Variants in COL5A2 observed in about 807,000 individuals in gnomAD.
COL5A2 encodes collagen type V alpha 2 chain, also known as collagen alpha-2(V) chain.
COL5A2 carries 23 observed loss-of-function variants against 208.2 expected under a neutral mutation model. The observed-to-expected ratio is 0.11, with a 90% confidence interval of 0.08 to 0.16. The LOEUF is 0.16. Among genes scored for constraint, COL5A2 ranks in the 10% least tolerant of loss-of-function variants. COL5A2 has a pLI of 1.00. For synonymous variants in COL5A2, 625 were observed against 628.5 expected (o/e 0.99, Z 0.08); for missense variants, 1,590 against 1,956.4 (o/e 0.81, Z 3.53).
intron 1 of COL5A2, among the ~76,000 whole-genome samples, chr2:189,207,483 T>G (rs1689156177): frequency 6.6e-6 from 1 of 152,218 alleles, no homozygotes; most frequent in African/African-American, 2.4e-5. Flanking sequence ...CATACAATTC[T>G]GTTATCAAGC....
intron 47 of COL5A2, 143 bp downstream of exon 47, chr2:189,045,036 G>A (rs1192154846): frequency 7.8e-6 from 4 of 515,216 alleles, no homozygotes; most frequent in Middle Eastern, 5.4e-4. Context: ...AAAAATAAGA[G>A]TAAACTTATA....
the COL5A2 span, among the ~76,000 whole-genome samples, chr2:189,428,151 G>A: frequency 1.1e-4 from 17 of 152,196 alleles, no homozygotes; most frequent in African/African-American, 3.1e-4. Context: ...TTTGGGAAGC[G>A]GCAGGGTGAA....
chr2:189,160,411 TC>T (rs899938075), intron 1 of COL5A2, among the ~76,000 whole-genome samples: 1 of 152,146 alleles, frequency 6.6e-6, no homozygotes, highest in Admixed American at 6.5e-5. Context: ...GCAATCTTTA[TC>T]CCCCCTTTTT....
At chr2:189,369,935 G>A in the COL5A2 span, among the ~76,000 whole-genome samples, 1 of 152,180 alleles carries the variant, frequency 6.6e-6, no homozygotes, top group Non-Finnish European at 1.5e-5. Context: ...TCAAGACACT[G>A]TATCAGCTTT....
the COL5A2 span, among the ~76,000 whole-genome samples, chr2:189,231,446 G>A: frequency 1.3e-5 from 2 of 151,624 alleles, no homozygotes; most frequent in South Asian, 4.1e-4. Flanking sequence ...AGGAAAATCT[G>A]GGACTCTCAT....
chr2:189,071,377 C>A (rs1357356104), intron 18 of COL5A2, among the ~76,000 whole-genome samples: 1 of 152,158 alleles, frequency 6.6e-6, no homozygotes, highest in Admixed American at 6.5e-5. Context: ...AATTAATTCA[C>A]CAGTTTATCT....
intron 45 of COL5A2, among the ~76,000 whole-genome samples, chr2:189,047,009 C>A (rs1559077482): frequency 6.6e-6 from 1 of 151,732 alleles, no homozygotes; most frequent in African/African-American, 2.4e-5. Context: ...GCAGTCCCAG[C>A]TACTGGGGAG....
chr2:189,215,110 C>A (rs1398308099), intron 1 of COL5A2, among the ~76,000 whole-genome samples: 1 of 152,092 alleles, frequency 6.6e-6, no homozygotes, highest in East Asian at 1.9e-4. Context: ...CTGATTCATT[C>A]TCTGTTGAGT....
intron 1 of COL5A2, among the ~76,000 whole-genome samples, chr2:189,207,355 TAACTC>T (rs1689155066): frequency 6.6e-6 from 1 of 152,186 alleles, no homozygotes; most frequent in Non-Finnish European, 1.5e-5. Context: ...ATGTCAAAAA[TAACTC>T]AAGAAAAAAA....
intron 34 of COL5A2, 119 bp from the exon 35 acceptor site, chr2:189,057,145 G>C: frequency 8.3e-7 from 1 of 1,203,570 alleles, no homozygotes; most frequent in Non-Finnish European, 1.2e-6. Context: ...AGGTGAGCCT[G>C]GGATGGTGCC....
At chr2:189,052,043 G>T in intron 41 of COL5A2, 129 bp downstream of exon 41, 2 of 704,038 alleles carry the variant, frequency 2.8e-6, no homozygotes, top group Non-Finnish European at 4.6e-6. Context: ...ATGCATTATT[G>T]GAATAAGAGT....
intron 1 of COL5A2, among the ~76,000 whole-genome samples, chr2:189,168,346 G>T (rs16831154): frequency 0.014 from 2,052 of 150,718 alleles, 27 homozygotes; most frequent in Non-Finnish European, 0.017. Context: ...TGAAACCTCA[G>T]AAGTTTTATG....
chr2:189,170,837 T>C (rs12621035), intron 1 of COL5A2, among the ~76,000 whole-genome samples: 86,301 of 151,796 alleles, frequency 0.57, 26,519 homozygotes, highest in East Asian at 0.72. Context: ...TTGTTAATGT[T>C]AATAAATTAT....
At chr2:189,062,775 C>T in intron 29 of COL5A2, 90 bp downstream of exon 29, 2 of 1,464,854 alleles carry the variant, frequency 1.4e-6, no homozygotes, top group Non-Finnish European at 1.9e-6. Flanking sequence ...TTCCCTGAAA[C>T]TTACCCATAA....
chr2:189,068,688 A>C (rs1576505907), intron 19 of COL5A2, 98 bp downstream of exon 19: 9 of 844,202 alleles, frequency 1.1e-5, no homozygotes, highest in South Asian at 9.9e-5. Context: ...ATATGTACAA[A>C]TATTATGTAT....
the COL5A2 span, among the ~76,000 whole-genome samples, chr2:189,430,235 T>C: frequency 1.3e-5 from 2 of 152,064 alleles, no homozygotes; most frequent in African/African-American, 4.8e-5. Context: ...AAGAAAACTA[T>C]CCCTATTCAC....
chr2:189,289,047 T>C, the COL5A2 span, among the ~76,000 whole-genome samples: 1 of 152,128 alleles, frequency 6.6e-6, no homozygotes, highest in Non-Finnish European at 1.5e-5. Context: ...ATAAAAGAAA[T>C]GTACCTCGAC....
At chr2:189,078,704 G>T (rs1023038110) in intron 15 of COL5A2, 135 bp from the exon 16 acceptor site, 1 of 822,550 alleles carries the variant, frequency 1.2e-6, no homozygotes, top group African/African-American at 1.7e-5. Flanking sequence ...GGCAATGTTG[G>T]GTTTGAAAAA....
chr2:189,386,610 G>A, the COL5A2 span, among the ~76,000 whole-genome samples: 1 of 151,892 alleles, frequency 6.6e-6, no homozygotes, highest in Non-Finnish European at 1.5e-5. Context: ...TCCAGAATCT[G>A]TAAGGAACTT....
Sources: gnomAD v4.1 joint callset for allele counts (sites outside exome capture counted in the v4.1 genomes callset) on GRCh38, gnomAD v4.1.1 for gene constraint, MANE v1.5 for transcripts, NCBI Gene and HGNC (gene_info 2026-07-23, HGNC 2026-07-21) for gene names.